Variants in ST6GAL1 observed in about 807,000 individuals in gnomAD.
The protein encoded by ST6GAL1 is ST6 beta-galactoside alpha-2,6-sialyltransferase 1, also known as beta-galactoside alpha-2,6-sialyltransferase 1.
ST6GAL1 carries 20 observed loss-of-function variants against 38.0 expected under a neutral mutation model. The ratio of observed to expected loss-of-function variants is 0.53; its 90% confidence interval spans 0.37 to 0.77. The LOEUF (loss-of-function observed/expected upper bound fraction) is 0.77, where lower values mean the gene tolerates loss of function less well. ST6GAL1 is among the 30% of genes least tolerant of loss of function. The probability of loss-of-function intolerance (pLI) is 0.00; values close to 1 mark genes in which losing one functional copy is unlikely to be tolerated. For missense variants in ST6GAL1, 432 were observed against 496.4 expected, an observed-to-expected ratio of 0.87 and a Z score of 1.23; for synonymous variants, 196 against 188.2, an observed-to-expected ratio of 1.04 and a Z score of -0.34.
intron 5 of ST6GAL1, among the ~76,000 whole-genome samples, chr3:187,060,811 T>G (rs891246703): frequency 2.6e-5 from 4 of 152,204 alleles, no homozygotes; most frequent in African/African-American, 7.2e-5. Flanking sequence ...TTTCACTCTC[T>G]GCAGTTTCAT....
intron 2 of ST6GAL1, among the ~76,000 whole-genome samples, chr3:186,994,033 A>G (rs549152710): frequency 6.6e-6 from 1 of 152,312 alleles, no homozygotes; most frequent in African/African-American, 2.4e-5. Context: ...TGCCTTCCAC[A>G]TATTTCTATG....
intron 5 of ST6GAL1, among the ~76,000 whole-genome samples, chr3:187,056,799 G>A (rs1291239237): frequency 4.6e-5 from 7 of 152,056 alleles, no homozygotes; most frequent in Non-Finnish European, 1.0e-4. Flanking sequence ...CTCTTCTCGA[G>A]GAGTATCTTT....
At chr3:186,994,537 C>T (rs1426564383) in intron 2 of ST6GAL1, among the ~76,000 whole-genome samples, 1 of 152,078 alleles carries the variant, frequency 6.6e-6, no homozygotes, top group African/African-American at 2.4e-5. Context: ...GTTTGTTTAA[C>T]TTTCATTTAC....
Position 187,053,010 on chromosome 3 carries a change from T to A in ST6GAL1, c.705+1664T>A, listed in dbSNP as rs564253590. Among the ~76,000 whole-genome samples, 53 of 152,384 alleles carry A rather than the reference T, an allele frequency of 3.5e-4. 2 individuals carry two copies. The South Asian group carries it at 0.011, about 31-fold the overall frequency. ...CCATTCTAACTGGTGTGAGATGGTATCTCATTATGGTTTTGATTTGCATTT... is the reference window on the plus strand; with the variant it reads ...CCATTCTAACTGGTGTGAGATGGTAACTCATTATGGTTTTGATTTGCATTT... On this transcript the variant is annotated intron_variant, in intron 5 of 7. Coordinates refer to ENST00000169298, the MANE Select transcript of ST6GAL1 (RefSeq NM_173216.2).
chr3:187,071,467 C>T (rs1396431954), intron 5 of ST6GAL1, among the ~76,000 whole-genome samples: 1 of 151,918 alleles, frequency 6.6e-6, no homozygotes. Flanking sequence ...AAATGAGGGC[C>T]GGCCGGGCGC....
At chr3:186,961,854 G>A (rs534888440) in intron 1 of ST6GAL1, among the ~76,000 whole-genome samples, 104 of 152,278 alleles carry the variant, frequency 6.8e-4, no homozygotes, top group African/African-American at 2.4e-3. Context: ...TAAGGAGGCA[G>A]AGCAGTCAGC....
chr3:186,975,176 G>C (rs960899552), intron 2 of ST6GAL1: 5 of 152,982 alleles, frequency 3.3e-5, no homozygotes, highest in Non-Finnish European at 7.3e-5. Flanking sequence ...CAGGGAAGCG[G>C]GTGCCTGTGT....
intron 2 of ST6GAL1, 63 bp from the exon 3 acceptor site, chr3:187,038,679 T>C (rs1178448257): frequency 6.6e-6 from 1 of 152,224 alleles, no homozygotes; most frequent in Non-Finnish European, 1.5e-5. Flanking sequence ...TGTTTAACAC[T>C]GCCTCTGCTG....
intron 2 of ST6GAL1, among the ~76,000 whole-genome samples, chr3:187,001,168 G>A (rs922011588): frequency 1.3e-5 from 2 of 152,208 alleles, no homozygotes; most frequent in African/African-American, 2.4e-5. Flanking sequence ...CAGAAGCGAG[G>A]TAGAACTCAG....
intron 4 of ST6GAL1, among the ~76,000 whole-genome samples, chr3:187,045,265 G>A (rs1365153694): frequency 6.6e-6 from 1 of 151,440 alleles, no homozygotes; most frequent in Non-Finnish European, 1.5e-5. Flanking sequence ...GAGGCTAGAA[G>A]ACACGAGTAA....
At chr3:186,930,953 G>A (rs543244916) in intron 1 of ST6GAL1, 119 bp downstream of exon 1, 1 of 153,684 alleles carries the variant, frequency 6.5e-6, no homozygotes, top group East Asian at 1.9e-4. Context: ...AGGGCGCAGG[G>A]AATCTCTCTC....
chr3:186,937,024 G>T (rs1246034002), intron 1 of ST6GAL1, among the ~76,000 whole-genome samples: 1 of 147,126 alleles, frequency 6.8e-6, no homozygotes, highest in Non-Finnish European at 1.5e-5. Flanking sequence ...TAGAGAAACA[G>T]AAAAAAATTC....
intron 1 of ST6GAL1, among the ~76,000 whole-genome samples, chr3:186,953,868 G>A (rs558689970): frequency 2.0e-5 from 3 of 148,832 alleles, no homozygotes; most frequent in African/African-American, 7.4e-5. Context: ...TGTGTAGGAT[G>A]TGCAGGTTTG....
At chr3:187,014,109 C>T (rs1717047163) in intron 2 of ST6GAL1, among the ~76,000 whole-genome samples, 1 of 152,234 alleles carries the variant, frequency 6.6e-6, no homozygotes, top group South Asian at 2.1e-4. Flanking sequence ...ATGTGCCAGG[C>T]ACTGCACAAT....
intron 5 of ST6GAL1, among the ~76,000 whole-genome samples, chr3:187,065,688 G>A (rs181907158): frequency 6.6e-6 from 1 of 152,342 alleles, no homozygotes; most frequent in African/African-American, 2.4e-5. Flanking sequence ...TAGCTGGAGA[G>A]AGAAGACCTA....
intron 2 of ST6GAL1, among the ~76,000 whole-genome samples, chr3:186,985,742 T>A (rs1715894852): frequency 6.8e-6 from 1 of 146,906 alleles, no homozygotes; most frequent in South Asian, 2.1e-4. Context: ...GCCACTGCGC[T>A]CCAGCCTGGG....
At chr3:187,051,167 C>G in intron 4 of ST6GAL1, 82 bp from the exon 5 acceptor site, 2 of 1,207,634 alleles carry the variant, frequency 1.7e-6, no homozygotes, top group Non-Finnish European at 2.5e-6. Flanking sequence ...TTCCCTTGCC[C>G]CCTCCCCCGC....
chr3:186,991,453 G>T (rs992082218), intron 2 of ST6GAL1, among the ~76,000 whole-genome samples: 3 of 152,122 alleles, frequency 2.0e-5, no homozygotes, highest in Non-Finnish European at 4.4e-5. Flanking sequence ...TCACACTGGG[G>T]ATCAGGGAGG....
chr3:186,951,993 T>A (rs1714595431), intron 1 of ST6GAL1, among the ~76,000 whole-genome samples: 1 of 152,066 alleles, frequency 6.6e-6, no homozygotes, highest in East Asian at 1.9e-4. Context: ...ACTGTATGAG[T>A]CCATGTTGCC....
Sources: gnomAD v4.1 joint callset for allele counts (sites outside exome capture counted in the v4.1 genomes callset) on GRCh38, gnomAD v4.1.1 for gene constraint, MANE v1.5 for transcripts, NCBI Gene and HGNC (gene_info 2026-07-23, HGNC 2026-07-21) for gene names.